ZNF148: variants seen among roughly 807,000 people sequenced by gnomAD.
ZNF148 encodes the protein zinc finger protein 148.
ZNF148 carries 7 observed loss-of-function variants against 67.7 expected under a neutral mutation model. That is an observed-to-expected ratio of 0.10 (90% CI 0.06 to 0.19). The LOEUF (loss-of-function observed/expected upper bound fraction) is 0.19, where lower values mean the gene tolerates loss of function less well. Ranked by LOEUF, ZNF148 falls within the 10% of genes least tolerant of loss-of-function variation. ZNF148 has a pLI of 1.00. For missense variants in ZNF148, 583 were observed against 947.1 expected, an observed-to-expected ratio of 0.62 and a Z score of 5.05; for synonymous variants, 333 against 330.7, an observed-to-expected ratio of 1.01 and a Z score of -0.08.
At chr3:125,268,924 A>T (rs1294232569) in intron 7 of ZNF148, among the ~76,000 whole-genome samples, 1 of 152,226 alleles carries the variant, frequency 6.6e-6, no homozygotes, top group Non-Finnish European at 1.5e-5. Flanking sequence ...ACAGAATGGG[A>T]GAAAATATTC....
chr3:125,256,100 C>A (rs112008247), intron 7 of ZNF148, among the ~76,000 whole-genome samples: 6 of 151,560 alleles, frequency 4.0e-5, no homozygotes, highest in African/African-American at 1.5e-4. Flanking sequence ...ATCGGCGGGG[C>A]GCAGTGTAAT....
In ZNF148 at chr3:125,238,280, A is replaced by G. The variant is rs539387757; in HGVS notation, c.668-3951T>C. On this transcript the variant is annotated intron_variant, in intron 7 of 8. Coordinates refer to ENST00000360647, the MANE Select transcript of ZNF148 (RefSeq NM_021964.3). ...GCACAAGCAAACAAAAAATAAATAA[A>G]TTGGACTTAATCAAAATTTAAAACT... 7.9e-5 allele frequency among the ~76,000 whole-genome samples: 12 copies of G among 152,282 alleles called. No homozygotes were observed. In the South Asian group the frequency reaches 2.5e-3, roughly 32 times the overall value.
At chr3:125,373,886 A>G (rs1177576932) in intron 1 of ZNF148, among the ~76,000 whole-genome samples, 2 of 152,206 alleles carry the variant, frequency 1.3e-5, no homozygotes, top group South Asian at 2.1e-4. Context: ...CCCCCCGACC[A>G]TTAATTATAA....
intron 1 of ZNF148, among the ~76,000 whole-genome samples, chr3:125,345,307 A>C (rs983125360): frequency 6.6e-6 from 1 of 152,176 alleles, no homozygotes; most frequent in Non-Finnish European, 1.5e-5. Context: ...TGAAAACAGA[A>C]GTCTCAAAAT....
intron 2 of ZNF148, among the ~76,000 whole-genome samples, chr3:125,329,876 T>C (rs1050025652): frequency 1.3e-5 from 2 of 152,174 alleles, no homozygotes; most frequent in African/African-American, 2.4e-5. Context: ...TAATATGGTG[T>C]GATCTCATTT....
intron 7 of ZNF148, among the ~76,000 whole-genome samples, chr3:125,254,354 C>T (rs1262655931): frequency 6.6e-6 from 1 of 152,118 alleles, no homozygotes; most frequent in African/African-American, 2.4e-5. Context: ...TACTTGGTTA[C>T]TGTTGGGTAC....
In ZNF148 at chr3:125,227,227, TTTAA is replaced by T. The variant is rs1935678905; in HGVS notation, c.*5110_*5113del. The T allele has an allele frequency of 2.0e-5, 3 of 152,600 alleles. No individual in the cohort carries two copies. The highest frequency in any genetic ancestry group is 2.9e-5 in the Non-Finnish European group (2 of 68,028). 9.5% of individuals were successfully genotyped at this position (152,600 alleles called of 1,614,324 possible). A position where few individuals can be genotyped will look rare whatever the true frequency, so the allele number is the denominator to read the frequency against. On this transcript the variant is annotated 3_prime_UTR_variant, in exon 9 of 9. Transcript: ENST00000360647. ...CAACAGTGTCTATATTATGTACATA[TTTAA>T]TTATCAATAGGAAATAGAAAATAAA...
chr3:125,347,565 T>C (rs977052211), intron 1 of ZNF148, among the ~76,000 whole-genome samples: 1 of 81,346 alleles, frequency 1.2e-5, no homozygotes, highest in Non-Finnish European at 2.4e-5. Flanking sequence ...AAATTTTATG[T>C]ATTATTTTTT....
intron 7 of ZNF148, among the ~76,000 whole-genome samples, chr3:125,254,226 C>T (rs1414286745): frequency 6.6e-6 from 1 of 152,016 alleles, no homozygotes; most frequent in East Asian, 1.9e-4. Flanking sequence ...GTGATGTACA[C>T]ATTTATGTTC....
chr3:125,320,088 ATC>A (rs1193138544), intron 3 of ZNF148, among the ~76,000 whole-genome samples: 1 of 152,070 alleles, frequency 6.6e-6, no homozygotes, highest in African/African-American at 2.4e-5. Flanking sequence ...CCAATTTTCT[ATC>A]TGTTACTCAT....
intron 7 of ZNF148, among the ~76,000 whole-genome samples, chr3:125,240,781 C>T (rs1238225931): frequency 6.9e-6 from 1 of 145,440 alleles, no homozygotes; most frequent in Non-Finnish European, 1.5e-5. Flanking sequence ...AAAAAAAAAA[C>T]CAAAAACCAA....
At chr3:125,316,156 G>A (rs1365551024) in intron 3 of ZNF148, among the ~76,000 whole-genome samples, 12 of 152,066 alleles carry the variant, frequency 7.9e-5, no homozygotes, top group Non-Finnish European at 1.2e-4. Flanking sequence ...AGTTTCACCC[G>A]TGTTGTTGCA....
intron 4 of ZNF148, among the ~76,000 whole-genome samples, chr3:125,303,190 G>A (rs1396509019): frequency 6.6e-6 from 1 of 152,188 alleles, no homozygotes; most frequent in Non-Finnish European, 1.5e-5. Flanking sequence ...ACAGATTAAG[G>A]ATATTCAGGG....
chr3:125,255,961 A>C (rs1019638680), intron 7 of ZNF148, among the ~76,000 whole-genome samples: 2 of 152,084 alleles, frequency 1.3e-5, no homozygotes, highest in Admixed American at 1.3e-4. Flanking sequence ...GCTTGGGATT[A>C]ATAGACATGG....
intron 1 of ZNF148, among the ~76,000 whole-genome samples, chr3:125,350,880 C>A (rs749514662): frequency 6.6e-6 from 1 of 152,168 alleles, no homozygotes; most frequent in Non-Finnish European, 1.5e-5. Context: ...AATTCTATAA[C>A]GTTGACAACA....
rs534906112 is a variant in ZNF148 at position 125,349,952 on chromosome 3, G to A, written c.-233-18714C>T. On this transcript the variant is annotated intron_variant, in intron 1 of 8. Coordinates refer to ENST00000360647, the MANE Select transcript of ZNF148 (RefSeq NM_021964.3). The stretch of plus-strand genomic sequence containing the variant: ...ACCAAAAAGATACATGAACTTGTAT[G>A]AACAACCATTATCCAAAAATAACAA... Among the ~76,000 whole-genome samples, 13 of 152,274 alleles carry A rather than the reference G, an allele frequency of 8.5e-5. No individual in the cohort carries two copies. In the South Asian group the frequency reaches 2.5e-3, roughly 29 times the overall value.
At chr3:125,366,350 AACT>A in intron 1 of ZNF148, among the ~76,000 whole-genome samples, 1 of 152,246 alleles carries the variant, frequency 6.6e-6, no homozygotes, top group East Asian at 1.9e-4. Context: ...ATCAAATACA[AACT>A]ACTTAGCTTA....
rs1935897935 is a variant in ZNF148 at position 125,232,491 on chromosome 3, A to G, written c.2235T>C (p.Ala745=). Reference sequence around the variant, plus strand: ...GTCCATTGGCAGTGCTAAATTGAGTAGCTATTCCAGCTCTTGATCCATGAT... The same window carrying G: ...GTCCATTGGCAGTGCTAAATTGAGTGGCTATTCCAGCTCTTGATCCATGAT... ...APYHGSRAGI[A]TQFSTANGQV... is the part of the protein sequence containing the mutation. Residue 745 remains alanine (A), a synonymous_variant, in exon 9 of 9, where the codon GCT becomes GCC. Transcript: ENST00000360647. This position sits in a 1 kb window ranked among gnomAD's most constrained non-coding sequence, Gnocchi z 4.2. 2 of 1,613,566 alleles carry G rather than the reference A, an allele frequency of 1.2e-6. No individual in the cohort carries two copies. Among genetic ancestry groups the G allele is most frequent in the East Asian group, 4.5e-5 (2 of 44,878 alleles).
chr3:125,341,316 TA>T (rs35673839), intron 1 of ZNF148, among the ~76,000 whole-genome samples: 15,819 of 134,604 alleles, frequency 0.12, 1,645 homozygotes, highest in African/African-American at 0.3. Context: ...CAGAAAAATT[TA>T]AAAAAAAAAA....
Sources: gnomAD v4.1 joint callset for allele counts (sites outside exome capture counted in the v4.1 genomes callset) on GRCh38, gnomAD v4.1.1 for gene constraint, Gnocchi (gnomAD v3.1) non-coding constraint, MANE v1.5 for transcripts, NCBI Gene and HGNC (gene_info 2026-07-23, HGNC 2026-07-21) for gene names.